CWC27: variants seen among roughly 807,000 people sequenced by gnomAD.
CWC27 encodes spliceosome-associated protein CWC27 homolog.
A neutral mutation model predicts 63.6 loss-of-function variants in CWC27; 47 were observed. That is an observed-to-expected ratio of 0.74 (90% confidence interval 0.58 to 0.94). The LOEUF is 0.94. CWC27 is among the 40% of genes least tolerant of loss of function. The pLI is 0.00. For synonymous variants in CWC27, 175 were observed against 179.8 expected, an observed-to-expected ratio of 0.97 and a Z score of 0.22; for missense variants, 495 against 554.3, an observed-to-expected ratio of 0.89 and a Z score of 1.07.
intron 13 of CWC27, among the ~76,000 whole-genome samples, chr5:65,002,127 T>G (rs760243694): frequency 1.3e-5 from 2 of 152,080 alleles, no homozygotes; most frequent in Non-Finnish European, 2.9e-5. Flanking sequence ...CCTCTAAAGA[T>G]CCTTTCTATT....
intron 1 of CWC27, among the ~76,000 whole-genome samples, chr5:64,772,640 A>G (rs1743305147): frequency 7.0e-6 from 1 of 142,924 alleles, no homozygotes. Context: ...AAAAAAAAAA[A>G]AAAAAAAAAA....
chr5:64,852,204 T>C (rs1265241730), intron 10 of CWC27, among the ~76,000 whole-genome samples: 3 of 152,202 alleles, frequency 2.0e-5, no homozygotes, highest in Non-Finnish European at 2.9e-5. Flanking sequence ...TGCCTCGTAT[T>C]TGGTCATGTT....
intron 13 of CWC27, among the ~76,000 whole-genome samples, chr5:65,003,983 T>TA (rs570240429): frequency 5.3e-4 from 81 of 152,238 alleles, no homozygotes; most frequent in African/African-American, 1.9e-3. Flanking sequence ...TAGCTGGGGT[T>TA]ACAGGCACCC....
At chr5:64,804,601 T>TTTA (rs1744599498) in intron 10 of CWC27, 7 of 440,884 alleles carry the variant, frequency 1.6e-5, no homozygotes, top group Middle Eastern at 6.2e-4. Context: ...TCAATTCCAT[T>TTTA]TTATTTCTCT....
intron 10 of CWC27, among the ~76,000 whole-genome samples, chr5:64,820,192 T>C (rs528434808): frequency 5.3e-5 from 8 of 152,290 alleles, no homozygotes; most frequent in African/African-American, 1.9e-4. Context: ...AAACCGGGTA[T>C]AAACAAAATG....
At chr5:64,968,928 A>AAGGCCATTTAGTATTATAAACAACAT (rs1749071090) in intron 11 of CWC27, among the ~76,000 whole-genome samples, 1 of 152,178 alleles carries the variant, frequency 6.6e-6, no homozygotes. Flanking sequence ...AAGTTATTAA[A>AAGGCCATTTAGTATTATAAACAACAT]AGGCCATTTA....
intron 11 of CWC27, among the ~76,000 whole-genome samples, chr5:64,966,600 A>C (rs1580753809): frequency 6.6e-6 from 1 of 152,144 alleles, no homozygotes; most frequent in East Asian, 1.9e-4. Flanking sequence ...TTGTGGAACC[A>C]GGATTCAGAT....
intron 11 of CWC27, among the ~76,000 whole-genome samples, chr5:64,898,995 A>G (rs1244986376): frequency 6.6e-6 from 1 of 152,188 alleles, no homozygotes; most frequent in Non-Finnish European, 1.5e-5. Context: ...CTGAAATCAC[A>G]TGGCCATACC....
intron 11 of CWC27, among the ~76,000 whole-genome samples, chr5:64,929,345 A>G (rs1270935181): frequency 6.6e-6 from 1 of 152,062 alleles, no homozygotes; most frequent in Admixed American, 6.6e-5. Context: ...AGACCAGACC[A>G]CCTGTTCTAC....
intron 10 of CWC27, among the ~76,000 whole-genome samples, chr5:64,875,667 G>C (rs1194580070): frequency 6.6e-6 from 1 of 152,020 alleles, no homozygotes; most frequent in African/African-American, 2.4e-5. Flanking sequence ...TTTCTCACTT[G>C]CATAGCATAT....
At chr5:64,910,538 C>T (rs1040191903) in intron 11 of CWC27, among the ~76,000 whole-genome samples, 1 of 152,236 alleles carries the variant, frequency 6.6e-6, no homozygotes, top group Non-Finnish European at 1.5e-5. Flanking sequence ...TTTAGTTCAT[C>T]TATGCCCTGC....
At chr5:64,797,946 G>T (rs1386969185) in intron 7 of CWC27, among the ~76,000 whole-genome samples, 1 of 152,112 alleles carries the variant, frequency 6.6e-6, no homozygotes, top group South Asian at 2.1e-4. Context: ...GGACCAAAAG[G>T]CTAGAACAGA....
chr5:64,836,305 G>A (rs1260703515), intron 10 of CWC27, among the ~76,000 whole-genome samples: 1 of 151,874 alleles, frequency 6.6e-6, no homozygotes, highest in African/African-American at 2.4e-5. Context: ...CAATGGACAG[G>A]AAAGAGAAAA....
chr5:64,924,848 T>G (rs576524271), intron 11 of CWC27, among the ~76,000 whole-genome samples: 1 of 152,168 alleles, frequency 6.6e-6, no homozygotes, highest in Non-Finnish European at 1.5e-5. Flanking sequence ...AGAAATTTTA[T>G]GTAAAGCATT....
At chr5:64,955,235 A>T (rs1748783220) in intron 11 of CWC27, among the ~76,000 whole-genome samples, 1 of 152,134 alleles carries the variant, frequency 6.6e-6, no homozygotes, top group Non-Finnish European at 1.5e-5. Context: ...ACACTTTACA[A>T]AGTCATGTCA....
At chr5:64,920,141 CT>C (rs112922444) in intron 11 of CWC27, among the ~76,000 whole-genome samples, 1 of 151,736 alleles carries the variant, frequency 6.6e-6, no homozygotes, top group Non-Finnish European at 1.5e-5. Context: ...AATTTTTGTA[CT>C]TTTTTTTGTA....
chr5:64,933,289 G>A (rs1748275985), intron 11 of CWC27, among the ~76,000 whole-genome samples: 1 of 152,102 alleles, frequency 6.6e-6, no homozygotes, highest in Admixed American at 6.5e-5. Flanking sequence ...ATTTCTTAAG[G>A]TTTAGAGAAA....
intron 10 of CWC27, among the ~76,000 whole-genome samples, chr5:64,818,473 C>T (rs1475793106): frequency 6.6e-6 from 1 of 151,994 alleles, no homozygotes; most frequent in African/African-American, 2.4e-5. Flanking sequence ...TTGACAGTAA[C>T]TTGAAATATT....
At chr5:64,928,441 C>T (rs112189470) in intron 11 of CWC27, among the ~76,000 whole-genome samples, 3,491 of 152,200 alleles carry the variant, frequency 0.023, 125 homozygotes, top group African/African-American at 0.08. Context: ...GTGTTGCAGG[C>T]TAAAGACTTC....
Sources: allele counts gnomAD v4.1 joint callset (sites outside exome capture counted in the v4.1 genomes callset), GRCh38; gene constraint gnomAD v4.1.1; transcripts MANE v1.5; gene names NCBI Gene and HGNC (gene_info 2026-07-23, HGNC 2026-07-21).